The following EDAR variants were observed in gnomAD, a reference collection of about 807,000 sequenced individuals.
The protein encoded by EDAR is tumor necrosis factor receptor superfamily member EDAR.
In EDAR, 38 loss-of-function variants were observed where a neutral mutation model predicts 51.3. That is an observed-to-expected ratio of 0.74 (90% confidence interval 0.57 to 0.97). EDAR has a LOEUF of 0.97. EDAR is among the 50% of genes least tolerant of loss of function. EDAR has a pLI of 0.00. For missense variants in EDAR, 528 were observed against 595.0 expected, an observed-to-expected ratio of 0.89 and a Z score of 1.17; for synonymous variants, 227 against 242.1, an observed-to-expected ratio of 0.94 and a Z score of 0.58.
At chr2:108,918,613 G>A (rs1026470755) in intron 5 of EDAR, among the ~76,000 whole-genome samples, 3 of 152,166 alleles carry the variant, frequency 2.0e-5, no homozygotes, top group Non-Finnish European at 2.9e-5. Context: ...TGCCTACCTC[G>A]CGTGGAGTTC....
intron 11 of EDAR, among the ~76,000 whole-genome samples, chr2:108,903,204 C>T (rs758712513): frequency 3.9e-5 from 6 of 152,092 alleles, no homozygotes; most frequent in Middle Eastern, 3.4e-3. Context: ...ACTTGTATTT[C>T]GGAAGCTACA....
In EDAR at chr2:108,910,527, C is replaced by G. The variant is rs79798733; in HGVS notation, c.736G>C (p.Val246Leu). The G allele has an allele frequency of 5.8e-5, 93 of 1,612,608 alleles. 1 individual carries two copies. The South Asian group carries it at 1.0e-3, about 18-fold the overall frequency. Reference sequence around the variant, plus strand: ...TCATCCTTCTCGGAGAACATCACCACGTTGTCTGCAGGGAAATGGGGAGGT... The same window carrying G: ...TCATCCTTCTCGGAGAACATCACCAGGTTGTCTGCAGGGAAATGGGGAGGT... ...DEEKKEAPDN[V>L]VMFSEKDEFE... The change falls in exon 9 of 12, where the codon GTG (valine) becomes CTG (leucine). Residue 246 changes from valine (V) to leucine (L), a missense_variant. Val to Leu is a conservative substitution (Grantham distance 32). Transcript: ENST00000258443.
chr2:108,984,156 G>A (rs1266842415), intron 1 of EDAR, among the ~76,000 whole-genome samples: 2 of 152,162 alleles, frequency 1.3e-5, no homozygotes, highest in African/African-American at 2.4e-5. Flanking sequence ...CAAGGGAGCA[G>A]GTGTTGGTGA....
At chr2:108,951,532 T>C (rs1384266856) in intron 1 of EDAR, among the ~76,000 whole-genome samples, 1 of 152,252 alleles carries the variant, frequency 6.6e-6, no homozygotes, top group East Asian at 1.9e-4. Context: ...AAAATTTAGA[T>C]GTGTGTTTAA....
At chr2:108,917,646 AG>A (rs1449537616) in intron 5 of EDAR, among the ~76,000 whole-genome samples, 2 of 151,920 alleles carry the variant, frequency 1.3e-5, no homozygotes, top group Non-Finnish European at 2.9e-5. Flanking sequence ...CTAAGACTAG[AG>A]GGGGGTCAAA....
chr2:108,988,114 GTGTGGGATTGCC>G (rs1259922932), intron 1 of EDAR, among the ~76,000 whole-genome samples: 2 of 152,194 alleles, frequency 1.3e-5, no homozygotes, highest in African/African-American at 4.8e-5. Context: ...ACCCCTGGCT[GTGTGGGATTGCC>G]CACTGACCGG....
At chr2:108,978,062 G>A (rs1227381868) in intron 1 of EDAR, among the ~76,000 whole-genome samples, 6 of 152,082 alleles carry the variant, frequency 3.9e-5, no homozygotes, top group Non-Finnish European at 8.8e-5. Context: ...TCCTTCTCCC[G>A]ACAAATGGCA....
At chr2:108,953,000 T>C (rs1574401564) in intron 1 of EDAR, among the ~76,000 whole-genome samples, 1 of 152,226 alleles carries the variant, frequency 6.6e-6, no homozygotes, top group East Asian at 1.9e-4. Context: ...AAACGTTTAA[T>C]TTTTGTGTGT....
intron 1 of EDAR, among the ~76,000 whole-genome samples, chr2:108,979,427 TC>T (rs1698383505): frequency 2.2e-5 from 1 of 44,556 alleles, no homozygotes; most frequent in African/African-American, 5.8e-5. Flanking sequence ...TTGCTGTCTC[TC>T]TCTCTCTTTC....
intron 1 of EDAR, among the ~76,000 whole-genome samples, chr2:108,949,096 G>C (rs536952892): frequency 6.6e-6 from 1 of 152,274 alleles, no homozygotes; most frequent in Non-Finnish European, 1.5e-5. Flanking sequence ...TCTCACCTCA[G>C]CCTCCTGAGT....
At chr2:108,953,776 G>A (rs1488593977) in intron 1 of EDAR, among the ~76,000 whole-genome samples, 1 of 152,204 alleles carries the variant, frequency 6.6e-6, no homozygotes, top group Non-Finnish European at 1.5e-5. Flanking sequence ...GGCAGGTGGA[G>A]AGGCCAGTTA....
intron 1 of EDAR, among the ~76,000 whole-genome samples, chr2:108,950,337 A>C (rs1697801067): frequency 6.6e-6 from 1 of 151,474 alleles, no homozygotes; most frequent in Non-Finnish European, 1.5e-5. Flanking sequence ...TGCAGCATCA[A>C]ATTTTTGGGC....
chr2:108,929,122 C>T, intron 4 of EDAR, 76 bp downstream of exon 4: 12 of 1,565,104 alleles, frequency 7.7e-6, no homozygotes, highest in Non-Finnish European at 1.1e-5. Context: ...CCCCTGTTCC[C>T]AAGGTCCTTG....
At chr2:108,919,093 G>C (rs1377929352) in intron 5 of EDAR, among the ~76,000 whole-genome samples, 1 of 152,190 alleles carries the variant, frequency 6.6e-6, no homozygotes, top group Non-Finnish European at 1.5e-5. Flanking sequence ...AGTCAGGTCT[G>C]AGAGGCTCTG....
At chr2:108,957,737 C>A (rs1218041579) in intron 1 of EDAR, among the ~76,000 whole-genome samples, 1 of 152,226 alleles carries the variant, frequency 6.6e-6, no homozygotes. Context: ...AGAAGCCTCA[C>A]AATCCATGTT....
At chr2:108,901,169 A>T (rs1348364859) in intron 11 of EDAR, among the ~76,000 whole-genome samples, 1 of 152,236 alleles carries the variant, frequency 6.6e-6, no homozygotes, top group Admixed American at 6.5e-5. Context: ...CCACAATAGA[A>T]TCAGAATATA....
At chr2:108,918,287 C>CTAA (rs1459333077) in intron 5 of EDAR, among the ~76,000 whole-genome samples, 1 of 152,188 alleles carries the variant, frequency 6.6e-6, no homozygotes, top group Non-Finnish European at 1.5e-5. Flanking sequence ...AGGGTCTATG[C>CTAA]CTGTCTACTG....
chr2:108,976,521 C>G (rs1310411664), intron 1 of EDAR, among the ~76,000 whole-genome samples: 2 of 152,176 alleles, frequency 1.3e-5, no homozygotes, highest in Non-Finnish European at 2.9e-5. Context: ...GGAGCGCACA[C>G]TTAAGGGAGG....
intron 1 of EDAR, among the ~76,000 whole-genome samples, chr2:108,948,706 T>TG (rs1697763575): frequency 6.6e-6 from 1 of 151,950 alleles, no homozygotes; most frequent in Non-Finnish European, 1.5e-5. Flanking sequence ...GAGAACAACA[T>TG]GGGGAAAACT....
Sources: allele counts gnomAD v4.1 joint callset (sites outside exome capture counted in the v4.1 genomes callset), GRCh38; gene constraint gnomAD v4.1.1; transcripts MANE v1.5; gene names NCBI Gene and HGNC (gene_info 2026-07-23, HGNC 2026-07-21).